The following USP25 variants were observed in gnomAD, a reference collection of about 807,000 sequenced individuals.
USP25 encodes the protein ubiquitin specific peptidase 25.
Under a neutral mutation model 158.5 loss-of-function variants are expected in USP25, and 85 were observed. That is an observed-to-expected ratio of 0.54 (90% confidence interval 0.45 to 0.64). The LOEUF is 0.64. USP25 is among the 30% of genes least tolerant of loss of function. The probability of loss-of-function intolerance (pLI) is 0.00; values close to 1 mark genes in which losing one functional copy is unlikely to be tolerated. For synonymous variants in USP25, 464 were observed against 460.4 expected, an observed-to-expected ratio of 1.01 and a Z score of -0.10; for missense variants, 1,242 against 1,327.3, an observed-to-expected ratio of 0.94 and a Z score of 1.00.
intron 17 of USP25, among the ~76,000 whole-genome samples, chr21:15,840,192 A>G (rs941779069): frequency 1.3e-5 from 2 of 152,124 alleles, no homozygotes; most frequent in African/African-American, 4.8e-5. Flanking sequence ...AAATCCTTCA[A>G]GACTCATCTA....
chr21:15,827,771 T>G (rs75324988), intron 14 of USP25, among the ~76,000 whole-genome samples: 1 of 98,574 alleles, frequency 1.0e-5, no homozygotes, highest in Non-Finnish European at 1.8e-5. Context: ...TGTGCGTGTG[T>G]GTGTGTGTGT....
At chr21:15,747,293 A>G (rs2032635601) in intron 1 of USP25, among the ~76,000 whole-genome samples, 1 of 152,118 alleles carries the variant, frequency 6.6e-6, no homozygotes, top group Non-Finnish European at 1.5e-5. Context: ...CCATTTATAG[A>G]GTATATTTTG....
chr21:15,765,662 A>G (rs1012744920), intron 2 of USP25, among the ~76,000 whole-genome samples: 5 of 152,038 alleles, frequency 3.3e-5, no homozygotes, highest in Non-Finnish European at 7.4e-5. Context: ...ACTCTTTCGT[A>G]TGGCAAGTTC....
At chr21:15,779,169 T>A (rs954149318) in intron 4 of USP25, among the ~76,000 whole-genome samples, 5 of 152,044 alleles carry the variant, frequency 3.3e-5, no homozygotes, top group African/African-American at 4.8e-5. Context: ...TCCCCCTCAT[T>A]AGTTGTGGCT....
intron 4 of USP25, 47 bp downstream of exon 4, chr21:15,778,074 A>C (rs1195140904): frequency 1.4e-6 from 2 of 1,459,180 alleles, no homozygotes; most frequent in African/African-American, 2.9e-5. Context: ...TTTTAAAAAT[A>C]GAAATCATTA....
In USP25 at chr21:15,758,973, A is replaced by G. The variant is rs541306605; in HGVS notation, c.46-3918A>G. Among the ~76,000 whole-genome samples the G allele has an allele frequency of 5.3e-5, 8 of 152,280 alleles. No individual in the cohort carries two copies. The South Asian group carries it at 1.7e-3, about 32-fold the overall frequency. On this transcript the variant is annotated intron_variant, in intron 1 of 25. Transcript: ENST00000400183. ...GACACAGCCATTTTTAAATTTTTAT[A>G]ATTAATGGCCATCAACATTTGTACA...
At chr21:15,752,767 C>T (rs959796539) in intron 1 of USP25, among the ~76,000 whole-genome samples, 1 of 152,148 alleles carries the variant, frequency 6.6e-6, no homozygotes, top group African/African-American at 2.4e-5. Context: ...ATTTAGAATT[C>T]TTGGCATTTT....
chr21:15,740,039 T>G (rs1031062718), intron 1 of USP25, among the ~76,000 whole-genome samples: 2 of 152,248 alleles, frequency 1.3e-5, no homozygotes, highest in Non-Finnish European at 2.9e-5. Flanking sequence ...GCTGGATATT[T>G]TAAATGCCCA....
At chr21:15,824,198 G>A in intron 11 of USP25, 32 bp downstream of exon 11, 1 of 1,603,968 alleles carries the variant, frequency 6.2e-7, no homozygotes, top group Non-Finnish European at 8.5e-7. Context: ...GACTTAGTTT[G>A]AAACAGTTTA....
chr21:15,867,805 G>T (rs2039722281), intron 22 of USP25, among the ~76,000 whole-genome samples: 1 of 152,092 alleles, frequency 6.6e-6, no homozygotes, highest in Non-Finnish European at 1.5e-5. Context: ...AACAAAAGGT[G>T]CGTGTGACTT....
Position 15,826,167 on chromosome 21 carries a change from T to C in USP25, c.1305-37T>C. 6.2e-7 allele frequency: 1 copy of C among 1,606,556 alleles called. No individual in the cohort carries two copies. The highest frequency in any genetic ancestry group is 1.3e-5 in the African/African-American group (1 of 74,856). On this transcript the variant is annotated intron_variant, in intron 12 of 25. Coordinates refer to ENST00000400183, the MANE Select transcript of USP25 (RefSeq NM_001283041.3). This position sits in a 1 kb window ranked among gnomAD's most constrained non-coding sequence, Gnocchi z 4.8. ...AATAAAGGCCCAAATATGCTGTATA[T>C]AGAAATAAAAGCATTTGTACATTTT...
intron 1 of USP25, among the ~76,000 whole-genome samples, chr21:15,757,943 A>G (rs1256218084): frequency 1.3e-5 from 2 of 152,186 alleles, no homozygotes; most frequent in Non-Finnish European, 1.5e-5. Context: ...TGTATATACT[A>G]TTTTGTATTC....
intron 20 of USP25, among the ~76,000 whole-genome samples, chr21:15,862,549 T>C (rs2039471348): frequency 2.0e-5 from 3 of 150,830 alleles, no homozygotes. Flanking sequence ...TTGATTATTA[T>C]GTTTGGTCTC....
intron 1 of USP25, among the ~76,000 whole-genome samples, chr21:15,745,580 A>G (rs1440730757): frequency 6.8e-6 from 1 of 146,382 alleles, no homozygotes; most frequent in Non-Finnish European, 1.5e-5. Flanking sequence ...GGTTCAAGCG[A>G]TTCTTCTGCC....
chr21:15,807,075 C>T (rs1041363230), intron 7 of USP25, among the ~76,000 whole-genome samples: 1 of 152,028 alleles, frequency 6.6e-6, no homozygotes, highest in Non-Finnish European at 1.5e-5. Flanking sequence ...AGGCACATGC[C>T]ACCGCGCCTG....
intron 1 of USP25, among the ~76,000 whole-genome samples, chr21:15,752,414 C>T (rs1382424188): frequency 6.6e-6 from 1 of 151,992 alleles, no homozygotes; most frequent in East Asian, 1.9e-4. Flanking sequence ...CTGGGTTTCA[C>T]CATATTGGCC....
At chr21:15,849,102 C>G (rs2038766944) in intron 19 of USP25, among the ~76,000 whole-genome samples, 1 of 152,074 alleles carries the variant, frequency 6.6e-6, no homozygotes, top group African/African-American at 2.4e-5. Flanking sequence ...TTTTAATAAA[C>G]CTATCAATTT....
At chr21:15,815,366 G>A (rs1395364340) in intron 9 of USP25, among the ~76,000 whole-genome samples, 1 of 152,160 alleles carries the variant, frequency 6.6e-6, no homozygotes, top group East Asian at 1.9e-4. Flanking sequence ...ACCACCTAGT[G>A]GAACTGTGAG....
chr21:15,823,359 G>T (rs2146347816), intron 10 of USP25, among the ~76,000 whole-genome samples: 1 of 151,966 alleles, frequency 6.6e-6, no homozygotes, highest in South Asian at 2.1e-4. Context: ...GGGATTAGGG[G>T]CTGGGGGTAG....
Sources: gnomAD v4.1 joint callset for allele counts (sites outside exome capture counted in the v4.1 genomes callset) on GRCh38, gnomAD v4.1.1 for gene constraint, Gnocchi (gnomAD v3.1) non-coding constraint, MANE v1.5 for transcripts, NCBI Gene and HGNC (gene_info 2026-07-23, HGNC 2026-07-21) for gene names.